The following SMURF2 variants were observed in gnomAD, a reference collection of about 807,000 sequenced individuals.
SMURF2 encodes the protein SMAD specific E3 ubiquitin protein ligase 2.
Under a neutral mutation model 109.6 loss-of-function variants are expected in SMURF2, and 48 were observed. The ratio of observed to expected loss-of-function variants is 0.44; its 90% CI spans 0.35 to 0.56. The LOEUF is 0.56. Ranked by LOEUF, SMURF2 falls within the 20% of genes least tolerant of loss-of-function variation. The pLI, the probability that SMURF2 is intolerant of heterozygous loss-of-function variation, is 0.01. For synonymous variants in SMURF2, 288 were observed against 317.1 expected (o/e 0.91, Z 0.97); for missense variants, 575 against 909.0 (o/e 0.63, Z 4.72).
At chr17:64,652,061 T>G (rs1970646689) in intron 1 of SMURF2, among the ~76,000 whole-genome samples, 1 of 152,242 alleles carries the variant, frequency 6.6e-6, no homozygotes, top group African/African-American at 2.4e-5. Flanking sequence ...GACTGATAGC[T>G]GGTAAACAGA....
At chr17:64,593,942 A>T (rs1275026628) in intron 3 of SMURF2, 2 of 155,418 alleles carry the variant, frequency 1.3e-5, no homozygotes, top group Non-Finnish European at 2.9e-5. Flanking sequence ...GACATGACCT[A>T]CTTTTCAAGG....
chr17:64,585,179 T>C (rs1417813293), intron 6 of SMURF2, among the ~76,000 whole-genome samples: 1 of 152,198 alleles, frequency 6.6e-6, no homozygotes, highest in African/African-American at 2.4e-5. Flanking sequence ...ATACTTTGAA[T>C]GTTAAAAATA....
intron 14 of SMURF2, among the ~76,000 whole-genome samples, chr17:64,555,539 A>G (rs781824840): frequency 6.6e-6 from 1 of 152,238 alleles, no homozygotes; most frequent in Non-Finnish European, 1.5e-5. Flanking sequence ...CAGGTTTGGA[A>G]CAGAATTTGT....
At chr17:64,618,806 G>A (rs782353140) in intron 1 of SMURF2, among the ~76,000 whole-genome samples, 7 of 152,156 alleles carry the variant, frequency 4.6e-5, no homozygotes, top group Non-Finnish European at 1.0e-4. Context: ...CCACTCCCAA[G>A]TTTCCTTCCT....
intron 10 of SMURF2, among the ~76,000 whole-genome samples, chr17:64,567,250 T>C: frequency 6.6e-6 from 1 of 152,196 alleles, no homozygotes; most frequent in Non-Finnish European, 1.5e-5. Flanking sequence ...AAATGAAAAC[T>C]TTCTATTAGG....
rs1968970147 is a variant in SMURF2, at chr17:64,547,229, G to C, written c.2071+371C>G. On this transcript the variant is annotated intron_variant, in intron 17 of 18. Transcript: ENST00000262435. The surrounding 1 kb of genome is among the most constrained non-coding windows in gnomAD (Gnocchi z 4.2). ...TGTCTAATAAGAGAAAGAACGAAAAGTAGAGGGGAGAGGCATCCCAGGCAG... is the reference window on the plus strand; with the variant it reads ...TGTCTAATAAGAGAAAGAACGAAAACTAGAGGGGAGAGGCATCCCAGGCAG... Among the ~76,000 whole-genome samples, 1 of 152,198 alleles carries C rather than the reference G, an allele frequency of 6.6e-6. No homozygotes were observed. The highest frequency in any genetic ancestry group is 6.5e-5 in the Admixed American group (1 of 15,284).
At chr17:64,614,714 G>A (rs934167442) in intron 1 of SMURF2, among the ~76,000 whole-genome samples, 1 of 152,154 alleles carries the variant, frequency 6.6e-6, no homozygotes, top group African/African-American at 2.4e-5. Context: ...TAGGGAGAAA[G>A]GAATACTCCT....
At position 64,578,554 on chromosome 17, in the gene SMURF2, G is replaced by A. The variant is rs1303056399; in HGVS notation, c.795C>T (p.Gly265=). The A allele has an allele frequency of 6.2e-7, 1 of 1,612,904 alleles. No individual in the cohort carries two copies. The highest frequency in any genetic ancestry group is 1.3e-5 in the African/African-American group (1 of 74,852). The stretch of plus-strand genomic sequence containing the variant: ...TCTGTGTATGTAAGAAATACACCTG[G>A]CCTTGTTGCGTTGTCCTCTGTTCTG... ...EGYEQRTTQQ[G]QVYFLHTQTG... The change falls in exon 9 of 19, where the codon GGC becomes GGT. Residue 265 remains glycine (G), a synonymous_variant. Transcript: ENST00000262435.
At chr17:64,621,779 CAGG>C (rs1342107512) in intron 1 of SMURF2, among the ~76,000 whole-genome samples, 1 of 151,474 alleles carries the variant, frequency 6.6e-6, no homozygotes, top group Admixed American at 6.6e-5. Context: ...GAGGCTGAGG[CAGG>C]AGAATTGCTT....
At chr17:64,636,018 C>T (rs534967580) in intron 1 of SMURF2, among the ~76,000 whole-genome samples, 2 of 152,230 alleles carry the variant, frequency 1.3e-5, no homozygotes, top group African/African-American at 4.8e-5. Context: ...TTCTAGTGGT[C>T]GTGAAGTAGT....
intron 1 of SMURF2, among the ~76,000 whole-genome samples, chr17:64,613,673 A>AGTGTGT (rs61060865): frequency 0.017 from 360 of 20,766 alleles, 43 homozygotes; most frequent in Middle Eastern, 0.031. Context: ...TCCACGGACC[A>AGTGTGT]GTGTGTGTGT....
At chr17:64,648,058 T>TAAAA (rs56131846) in intron 1 of SMURF2, among the ~76,000 whole-genome samples, 9 of 17,682 alleles carry the variant, frequency 5.1e-4, no homozygotes, top group Non-Finnish European at 5.5e-4. Flanking sequence ...CCCTATCTCT[T>TAAAA]AAAAAAAAAA....
chr17:64,545,961 A>T lies in SMURF2; in HGVS notation c.2148-14T>A, dbSNP rs1555683070. ...ATTCGATTGAAGCTGTGAATAAGCA[A>T]ATCAAATTTTATACAGTTCATTCAA... On this transcript the variant is annotated splice_polypyrimidine_tract_variant and intron_variant, in intron 18 of 18. Transcript: ENST00000262435. 1.3e-6 allele frequency: 2 copies of T among 1,526,416 alleles called. No individual in the cohort carries two copies. The highest frequency in any genetic ancestry group is 1.1e-5 in the South Asian group (1 of 89,284). The allele number at this position is 1,526,416 out of a possible 1,614,324, so 94.6% of individuals were successfully genotyped here. A position where few individuals can be genotyped will look rare whatever the true frequency, so the allele number is the denominator to read the frequency against.
At chr17:64,598,565 G>T in intron 2 of SMURF2, 75 bp from the exon 3 acceptor site, 1 of 1,206,074 alleles carries the variant, frequency 8.3e-7, no homozygotes, top group Non-Finnish European at 1.1e-6. Flanking sequence ...CATTCCATTT[G>T]CTACAAAAGA....
intron 1 of SMURF2, among the ~76,000 whole-genome samples, chr17:64,656,502 T>C (rs182114722): frequency 1.1e-3 from 161 of 152,302 alleles, no homozygotes; most frequent in African/African-American, 3.7e-3. Context: ...CTTATACTTA[T>C]AACAGAATAG....
chr17:64,574,093 A>C (rs1555685839), intron 9 of SMURF2, among the ~76,000 whole-genome samples: 3 of 151,828 alleles, frequency 2.0e-5, no homozygotes. Flanking sequence ...AAGTTTACCT[A>C]TAACAAACCT....
At chr17:64,607,429 C>T (rs1489362930) in intron 1 of SMURF2, among the ~76,000 whole-genome samples, 1 of 151,632 alleles carries the variant, frequency 6.6e-6, no homozygotes, top group Non-Finnish European at 1.5e-5. Context: ...AGTTCGAGAC[C>T]AGCCTGGCCA....
chr17:64,593,840 A>G (rs1555687886), intron 3 of SMURF2, among the ~76,000 whole-genome samples: 1 of 152,214 alleles, frequency 6.6e-6, no homozygotes, highest in Non-Finnish European at 1.5e-5. Context: ...GCTAATGTCT[A>G]ATAACACTAA....
Position 64,544,271 on chromosome 17 carries a change from C to T in SMURF2, c.*1577G>A, listed in dbSNP as rs184669022. The T allele has an allele frequency of 6.6e-6, 1 of 152,080 alleles. No individual in the cohort carries two copies. 9.4% of individuals were successfully genotyped at this position (152,080 alleles called of 1,614,324 possible). On this transcript the variant is annotated 3_prime_UTR_variant, in exon 19 of 19. Transcript: ENST00000262435. Reference sequence around the variant, plus strand: ...TTCCCCCTCGCTCCCTCTCATTGCCCCTCTTCTCTTAAACCATTACTCCTG... The same window carrying T: ...TTCCCCCTCGCTCCCTCTCATTGCCTCTCTTCTCTTAAACCATTACTCCTG...
Sources: allele counts gnomAD v4.1 joint callset (sites outside exome capture counted in the v4.1 genomes callset), GRCh38; gene constraint gnomAD v4.1.1; non-coding constraint Gnocchi (gnomAD v3.1); transcripts MANE v1.5; gene names NCBI Gene and HGNC (gene_info 2026-07-23, HGNC 2026-07-21).